MED24: variants seen among roughly 807,000 people sequenced by gnomAD.
MED24 encodes mediator of RNA polymerase II transcription subunit 24.
In MED24, 74 loss-of-function variants were observed where a neutral mutation model predicts 118.8. The observed-to-expected ratio is 0.62, with a 90% CI of 0.52 to 0.76. The LOEUF (loss-of-function observed/expected upper bound fraction) is 0.76. Among genes scored for constraint, MED24 ranks in the 30% least tolerant of loss-of-function variants. MED24 has a pLI of 0.00. For missense variants in MED24, 1,041 were observed against 1,278.9 expected, an observed-to-expected ratio of 0.81 and a Z score of 2.84; for synonymous variants, 521 against 523.9, an observed-to-expected ratio of 0.99 and a Z score of 0.08.
rs1568166082 is a variant in MED24, at chr17:40,033,787, C to T, written c.560-331G>A. 4.0e-6 allele frequency: 2 copies of T among 505,224 alleles called. No individual in the cohort carries two copies. The highest frequency in any genetic ancestry group is 1.9e-5 in the African/African-American group (1 of 51,938). 31.3% of individuals were successfully genotyped at this position (505,224 alleles called of 1,614,324 possible). A position where few individuals can be genotyped will look rare whatever the true frequency, so the allele number is the denominator to read the frequency against. On this transcript the variant is annotated intron_variant, in intron 6 of 25. Transcript: ENST00000394128. The surrounding 1 kb of genome is among the most constrained non-coding windows in gnomAD (Gnocchi z 5.2). Reference sequence around the variant, plus strand: ...AATCCAGTGGCTGGAACAGGGAGGGCGGCCACAAATCACTCGAGGAGTGAG... The same window carrying T: ...AATCCAGTGGCTGGAACAGGGAGGGTGGCCACAAATCACTCGAGGAGTGAG...
In MED24 at chr17:40,023,416, C is replaced by G. The variant is rs774521669; in HGVS notation, c.1986-21G>C. On this transcript the variant is annotated intron_variant, in intron 19 of 25. Transcript: ENST00000394128. Reference sequence around the variant, plus strand: ...CCACCCTGGGGGAGGGCCGAGAGAACCTGAGGCTCAGGTGCCACTGTAGGG... The same window carrying G: ...CCACCCTGGGGGAGGGCCGAGAGAAGCTGAGGCTCAGGTGCCACTGTAGGG... 5 of 1,560,736 alleles carry G rather than the reference C, an allele frequency of 3.2e-6. No homozygotes were observed. The African/African-American group carries it at 6.8e-5, about 21-fold the overall frequency.
At chr17:40,030,426 G>T (rs968213915) in intron 12 of MED24, among the ~76,000 whole-genome samples, 1 of 151,912 alleles carries the variant, frequency 6.6e-6, no homozygotes, top group African/African-American at 2.4e-5. Context: ...CTCCTGAGTA[G>T]CTGGAATTAC....
At chr17:40,043,979 AT>A (rs1490246523) in intron 3 of MED24, among the ~76,000 whole-genome samples, 1 of 151,076 alleles carries the variant, frequency 6.6e-6, no homozygotes, top group African/African-American at 2.4e-5. Flanking sequence ...AAATACAAAG[AT>A]TAGCCGGGCG....
At chr17:40,047,503 T>C (rs1213504263) in intron 3 of MED24, among the ~76,000 whole-genome samples, 2 of 149,540 alleles carry the variant, frequency 1.3e-5, no homozygotes, top group Non-Finnish European at 3.0e-5. Flanking sequence ...CTACTAAAAA[T>C]ACAAAAAAAC....
chr17:40,020,493 G>A (rs768551818), intron 23 of MED24, 140 bp from the exon 24 acceptor site: 19 of 1,536,338 alleles, frequency 1.2e-5, no homozygotes, highest in Non-Finnish European at 1.6e-5. Flanking sequence ...CTGAGATCAA[G>A]AGCACAAAGG....
At chr17:40,028,092 G>T in intron 14 of MED24, 146 bp from the exon 15 acceptor site, 1 of 799,244 alleles carries the variant, frequency 1.3e-6, no homozygotes, top group Non-Finnish European at 2.0e-6. Context: ...TAGAAAAAAG[G>T]TTTTTGTGGT....
chr17:40,036,670 G>C (rs996863140), intron 3 of MED24, among the ~76,000 whole-genome samples: 1 of 131,024 alleles, frequency 7.6e-6, no homozygotes, highest in Non-Finnish European at 1.6e-5. Context: ...ACTGGGAGCA[G>C]AGCGAGACTC....
At position 40,026,707 on chromosome 17, in the gene MED24, GGCTGAGAT is replaced by G; in HGVS notation, c.1741_1748del (p.Ile581ArgfsTer24). 1.2e-6 allele frequency: 2 copies of G among 1,612,692 alleles called. No individual in the cohort carries two copies. Among genetic ancestry groups the G allele is most frequent in the Non-Finnish European group, 1.7e-6 (2 of 1,179,304 alleles). On this transcript the variant is annotated frameshift_variant, in exon 18 of 26. Coordinates refer to ENST00000394128, the MANE Select transcript of MED24 (RefSeq NM_014815.4). LOFTEE classifies it high-confidence loss of function. ...AGGCATTGAGGATTTCCAAGATGGC[GGCTGAGAT>G]GCTGAGACAGGCCTCATGCCACTTC...
At position 40,023,229 on chromosome 17, in the gene MED24, C is replaced by A; in HGVS notation, c.2152G>T (p.Val718Leu). The change falls in exon 20 of 26, where the codon GTG becomes TTG. Residue 718 changes from valine to leucine, a missense_variant. By Grantham distance (32) the Val-to-Leu change is conservative. Around this residue, in one of 3 missense-constraint regions of MED24, gnomAD observed 587 missense variants for 694.4 expected, o/e 0.85. Transcript: ENST00000394128. Reference sequence around the variant, plus strand: ...CTGTCCACCCAGCCCTTCTCCAGCACCTTGGCAAAAATGTCCGTCAGCACC... The same window carrying A: ...CTGTCCACCCAGCCCTTCTCCAGCAACTTGGCAAAAATGTCCGTCAGCACC... ...KEVLTDIFAK[V>L]LEKGWVDSRS... 1 of 1,614,172 alleles carries A rather than the reference C, an allele frequency of 6.2e-7. No homozygotes were observed. The highest frequency in any genetic ancestry group is 8.5e-7 in the Non-Finnish European group (1 of 1,180,004).
At chr17:40,032,892 G>A in intron 8 of MED24, 130 bp from the exon 9 acceptor site, 1 of 1,308,036 alleles carries the variant, frequency 7.6e-7, no homozygotes, top group Non-Finnish European at 1.1e-6. Context: ...CTGAGAACCA[G>A]GGGAGTAAGG....
chr17:40,020,420 G>T (rs561030686), intron 23 of MED24, 67 bp from the exon 24 acceptor site: 1 of 1,552,782 alleles, frequency 6.4e-7, no homozygotes, highest in African/African-American at 1.4e-5. Flanking sequence ...GCTCCCCGGG[G>T]ATGCCCCAAC....
chr17:40,044,821 G>C (rs1232771352), intron 3 of MED24, among the ~76,000 whole-genome samples: 1 of 150,074 alleles, frequency 6.7e-6, no homozygotes, highest in African/African-American at 2.5e-5. Flanking sequence ...GCAGCTTGCA[G>C]TGAGCCAAGA....
At chr17:40,030,694 T>C (rs1229450349) in intron 12 of MED24, among the ~76,000 whole-genome samples, 1 of 151,936 alleles carries the variant, frequency 6.6e-6, no homozygotes, top group East Asian at 1.9e-4. Context: ...GGTCTCACTC[T>C]ATCGCCCAGG....
intron 21 of MED24, 71 bp downstream of exon 21, chr17:40,022,574 A>T: frequency 1.2e-6 from 2 of 1,602,938 alleles, no homozygotes; most frequent in Non-Finnish European, 1.7e-6. Flanking sequence ...CCAGTCTCCC[A>T]GGGTGGCACC....
chr17:40,047,981 C>T (rs1168853259), intron 3 of MED24, among the ~76,000 whole-genome samples: 1 of 152,220 alleles, frequency 6.6e-6, no homozygotes. Context: ...ACACTCGCCT[C>T]GGCCTCCCAA....
Position 40,026,256 on chromosome 17 carries a change from G to A in MED24, c.1885C>T (p.Arg629Trp), listed in dbSNP as rs375374665. 46 of 1,614,024 alleles carry A rather than the reference G, an allele frequency of 2.9e-5. No homozygotes were observed. Among genetic ancestry groups the A allele is most frequent in the Admixed American group, 1.0e-4 (6 of 60,004 alleles). ...CAVAWLVAHVRMLGLDEREKS... is the reference protein window; with the variant it reads ...CAVAWLVAHVWMLGLDEREKS... ...TCACGCTCATCCAGCCCCAGCATCC[G>A]GACGTGGGCCACAAGCCAAGCCACA... The change falls in exon 19 of 26, where the codon CGG becomes TGG. Residue 629 changes from arginine (R) to tryptophan (W), a missense_variant. Transcript: ENST00000394128.
intron 6 of MED24, among the ~76,000 whole-genome samples, chr17:40,034,519 A>T (rs529777448): frequency 3.9e-5 from 6 of 152,266 alleles, no homozygotes; most frequent in Admixed American, 1.3e-4. Context: ...CCATTGCTGG[A>T]AATACTGGCA....
chr17:40,021,789 G>A (rs1982043845), intron 23 of MED24, among the ~76,000 whole-genome samples, 166 bp downstream of exon 23: 1 of 152,216 alleles, frequency 6.6e-6, no homozygotes, highest in African/African-American at 2.4e-5. Context: ...CTCTTCTCCA[G>A]GGGCAGGACA....
At chr17:40,024,140 A>G (rs1982370511) in intron 19 of MED24, among the ~76,000 whole-genome samples, 1 of 152,126 alleles carries the variant, frequency 6.6e-6, no homozygotes, top group Non-Finnish European at 1.5e-5. Flanking sequence ...TGGAGAAATG[A>G]GAGAAGAAAG....
Sources: gnomAD v4.1 joint callset for allele counts (sites outside exome capture counted in the v4.1 genomes callset) on GRCh38, gnomAD v4.1.1 for gene constraint, gnomAD v4.1.1 regional missense constraint, Gnocchi (gnomAD v3.1) non-coding constraint, MANE v1.5 for transcripts, NCBI Gene and HGNC (gene_info 2026-07-23, HGNC 2026-07-21) for gene names.